The following NLGN1 variants were observed in gnomAD, a reference collection of about 807,000 sequenced individuals.
The protein encoded by NLGN1 is neuroligin 1, also known as neuroligin-1.
Under a neutral mutation model 65.5 loss-of-function variants are expected in NLGN1, and 12 were observed. The observed-to-expected ratio is 0.18, with a 90% CI of 0.12 to 0.30. The LOEUF is 0.30. Among genes scored for constraint, NLGN1 ranks in the 10% least tolerant of loss-of-function variants. The probability of loss-of-function intolerance (pLI) is 1.00; values close to 1 mark genes in which losing one functional copy is unlikely to be tolerated. For missense variants in NLGN1, 750 were observed against 1,007.1 expected (o/e 0.74, Z 3.46); for synonymous variants, 350 against 359.5 (o/e 0.97, Z 0.30).
chr3:173,733,474 A>C (rs570547826), intron 3 of NLGN1, among the ~76,000 whole-genome samples: 1 of 152,034 alleles, frequency 6.6e-6, no homozygotes, highest in East Asian at 1.9e-4. Context: ...CAGCAGCTGT[A>C]CTGTCAGGGA....
chr3:173,816,472 A>G (rs1719062961), intron 4 of NLGN1, among the ~76,000 whole-genome samples: 1 of 152,202 alleles, frequency 6.6e-6, no homozygotes, highest in South Asian at 2.1e-4. Context: ...ATCCATCTGG[A>G]TGATCAAGTA....
At chr3:173,625,313 A>G (rs938598063) in intron 3 of NLGN1, among the ~76,000 whole-genome samples, 1 of 152,006 alleles carries the variant, frequency 6.6e-6, no homozygotes, top group African/African-American at 2.4e-5. Flanking sequence ...TAAGTATTTT[A>G]TGATTGTACC....
intron 4 of NLGN1, among the ~76,000 whole-genome samples, chr3:173,921,046 C>A (rs1337276485): frequency 6.6e-6 from 1 of 151,428 alleles, no homozygotes; most frequent in East Asian, 1.9e-4. Flanking sequence ...TTTTAAGATG[C>A]CTTTATGTTT....
intron 3 of NLGN1, among the ~76,000 whole-genome samples, chr3:173,779,541 C>T (rs1008454346): frequency 1.2e-4 from 18 of 151,922 alleles, no homozygotes; most frequent in African/African-American, 3.9e-4. Context: ...TCCTGGGCCA[C>T]AACCTCAGAT....
chr3:174,282,403 A>G (rs1404166402), exon 7 of NLGN1: 1 of 152,226 alleles, frequency 6.6e-6, no homozygotes, highest in Middle Eastern at 3.4e-3. Context: ...TCTTTGATTT[A>G]CTCATGCTGC....
intron 2 of NLGN1, among the ~76,000 whole-genome samples, chr3:173,541,024 C>T (rs868358089): frequency 2.0e-5 from 3 of 152,116 alleles, no homozygotes; most frequent in Non-Finnish European, 2.9e-5. Flanking sequence ...ATGATAAATA[C>T]ACAAGCACAG....
intron 4 of NLGN1, among the ~76,000 whole-genome samples, chr3:173,897,689 T>A (rs1736577548): frequency 1.3e-5 from 2 of 152,196 alleles, no homozygotes; most frequent in Admixed American, 6.5e-5. Flanking sequence ...GGCATTCTTG[T>A]TCTAACTAGT....
At chr3:174,151,449 T>G (rs1427333097) in intron 4 of NLGN1, among the ~76,000 whole-genome samples, 1 of 152,172 alleles carries the variant, frequency 6.6e-6, no homozygotes. Context: ...GTTTAAAATT[T>G]CTTCTGACAT....
chr3:174,205,646 C>T (rs1210747033), intron 4 of NLGN1, among the ~76,000 whole-genome samples: 1 of 152,110 alleles, frequency 6.6e-6, no homozygotes, highest in Non-Finnish European at 1.5e-5. Flanking sequence ...CAAAAATGAA[C>T]TAAATCACCT....
intron 4 of NLGN1, among the ~76,000 whole-genome samples, chr3:174,106,897 A>G (rs1452763343): frequency 6.6e-6 from 1 of 151,860 alleles, no homozygotes; most frequent in Admixed American, 6.6e-5. Context: ...CAAGCCCTCA[A>G]TAAGTTATAT....
intron 2 of NLGN1, among the ~76,000 whole-genome samples, chr3:173,466,427 T>G (rs1033216840): frequency 6.6e-6 from 1 of 152,176 alleles, no homozygotes; most frequent in African/African-American, 2.4e-5. Flanking sequence ...ATTCCTGTAC[T>G]GTAGCCAATT....
chr3:173,598,490 C>T (rs1248803046), intron 2 of NLGN1, among the ~76,000 whole-genome samples: 1 of 152,090 alleles, frequency 6.6e-6, no homozygotes, highest in African/African-American at 2.4e-5. Flanking sequence ...AAAATACCAC[C>T]GGTTTAATTT....
At chr3:173,913,133 T>C (rs902025945) in intron 4 of NLGN1, among the ~76,000 whole-genome samples, 14 of 152,186 alleles carry the variant, frequency 9.2e-5, no homozygotes, top group Non-Finnish European at 1.8e-4. Context: ...TTGTGCATGT[T>C]CTTGGTATTC....
At chr3:173,578,704 A>G (rs944647965) in intron 2 of NLGN1, among the ~76,000 whole-genome samples, 4 of 152,194 alleles carry the variant, frequency 2.6e-5, no homozygotes, top group African/African-American at 9.6e-5. Context: ...TATACAATTT[A>G]ACTCATTCTA....
intron 4 of NLGN1, among the ~76,000 whole-genome samples, chr3:174,245,840 T>G (rs1169037448): frequency 6.6e-6 from 1 of 152,116 alleles, no homozygotes; most frequent in Admixed American, 6.5e-5. Context: ...TCTCTGAAAG[T>G]CTCCTATTAG....
intron 2 of NLGN1, among the ~76,000 whole-genome samples, chr3:173,572,120 T>C (rs1434604149): frequency 6.6e-6 from 1 of 152,248 alleles, no homozygotes; most frequent in Non-Finnish European, 1.5e-5. Context: ...AGGACTTTGT[T>C]ACCATTCTAC....
At chr3:173,464,793 T>C (rs968381277) in intron 2 of NLGN1, among the ~76,000 whole-genome samples, 1 of 152,214 alleles carries the variant, frequency 6.6e-6, no homozygotes, top group Non-Finnish European at 1.5e-5. Flanking sequence ...ATTAAATAGA[T>C]AGAGTCAGCC....
intron 4 of NLGN1, among the ~76,000 whole-genome samples, chr3:174,111,784 T>C (rs779708067): frequency 1.3e-5 from 2 of 151,958 alleles, no homozygotes; most frequent in Non-Finnish European, 1.5e-5. Flanking sequence ...GGTGCTATTA[T>C]GTTATTTAAA....
intron 4 of NLGN1, among the ~76,000 whole-genome samples, chr3:173,829,404 A>G (rs1722011912): frequency 6.6e-6 from 1 of 152,182 alleles, no homozygotes; most frequent in African/African-American, 2.4e-5. Context: ...TTTTTCCTTT[A>G]AAATATTTAA....
Sources: allele counts gnomAD v4.1 joint callset (sites outside exome capture counted in the v4.1 genomes callset), GRCh38; gene constraint gnomAD v4.1.1; transcripts MANE v1.5; gene names NCBI Gene and HGNC (gene_info 2026-07-23, HGNC 2026-07-21).